The following B3GAT2 variants were observed in gnomAD, a reference collection of about 807,000 sequenced individuals.
The protein encoded by B3GAT2 is beta-1,3-glucuronyltransferase 2, also known as galactosylgalactosylxylosylprotein 3-beta-glucuronosyltransferase 2.
B3GAT2 carries 26 observed loss-of-function variants against 27.8 expected under a neutral mutation model. The observed-to-expected ratio is 0.93, with a 90% confidence interval of 0.68 to 1.30. The LOEUF (loss-of-function observed/expected upper bound fraction) is 1.30. Among genes scored for constraint, B3GAT2 ranks in the 50% most tolerant of loss-of-function variants. B3GAT2 has a pLI of 0.00. For synonymous variants in B3GAT2, 218 were observed against 195.1 expected, an observed-to-expected ratio of 1.12 and a Z score of -0.98; for missense variants, 458 against 459.0, an observed-to-expected ratio of 1.00 and a Z score of 0.02.
At chr6:70,948,134 G>A (rs1027015493) in intron 1 of B3GAT2, among the ~76,000 whole-genome samples, 60 of 148,380 alleles carry the variant, frequency 4.0e-4, no homozygotes, top group Non-Finnish European at 6.7e-4. Context: ...ATACTGAATG[G>A]GCAAAAACTG....
At chr6:70,932,391 C>T (rs1328913922) in intron 1 of B3GAT2, among the ~76,000 whole-genome samples, 1 of 152,120 alleles carries the variant, frequency 6.6e-6, no homozygotes, top group African/African-American at 2.4e-5. Flanking sequence ...GTGAAAGCAA[C>T]ACAACTTCCT....
At chr6:70,885,715 T>C (rs1772173934) in intron 2 of B3GAT2, among the ~76,000 whole-genome samples, 1 of 152,206 alleles carries the variant, frequency 6.6e-6, no homozygotes, top group Admixed American at 6.5e-5. Flanking sequence ...GGAACTTCTG[T>C]ATGTATTCGT....
At chr6:70,890,953 A>G (rs1326689233) in intron 2 of B3GAT2, among the ~76,000 whole-genome samples, 2 of 151,596 alleles carry the variant, frequency 1.3e-5, no homozygotes, top group East Asian at 1.9e-4. Context: ...TAAGTTCTCA[A>G]CTTGAACAAA....
At chr6:70,890,328 T>G (rs373954192) in intron 2 of B3GAT2, among the ~76,000 whole-genome samples, 10 of 152,212 alleles carry the variant, frequency 6.6e-5, no homozygotes, top group African/African-American at 2.4e-4. Flanking sequence ...AGAGTCTCCC[T>G]GTGGGAGCAC....
At chr6:70,917,352 C>T (rs1772790617) in intron 1 of B3GAT2, among the ~76,000 whole-genome samples, 1 of 152,000 alleles carries the variant, frequency 6.6e-6, no homozygotes, top group Non-Finnish European at 1.5e-5. Flanking sequence ...AAAACCAGCT[C>T]CTGGGTTCAT....
chr6:70,949,074 A>G (rs900780731), intron 1 of B3GAT2, among the ~76,000 whole-genome samples: 25 of 152,116 alleles, frequency 1.6e-4, no homozygotes, highest in African/African-American at 5.8e-4. Flanking sequence ...ATGGAAACTT[A>G]AACGTTAGAC....
chr6:70,898,617 TG>T (rs1230414410), intron 1 of B3GAT2, among the ~76,000 whole-genome samples: 1 of 152,180 alleles, frequency 6.6e-6, no homozygotes, highest in East Asian at 1.9e-4. Context: ...AAAATGGCCA[TG>T]ATTTTTCAGC....
intron 1 of B3GAT2, among the ~76,000 whole-genome samples, chr6:70,953,566 T>A (rs1765606854): frequency 6.6e-6 from 1 of 152,236 alleles, no homozygotes; most frequent in South Asian, 2.1e-4. Flanking sequence ...AAAATTACTG[T>A]CTGGGAGTGA....
chr6:70,941,284 T>C (rs1765388548), intron 1 of B3GAT2, among the ~76,000 whole-genome samples: 1 of 152,136 alleles, frequency 6.6e-6, no homozygotes, highest in African/African-American at 2.4e-5. Flanking sequence ...TACCCTCAAT[T>C]AGGGCAGTCA....
intron 1 of B3GAT2, among the ~76,000 whole-genome samples, chr6:70,944,649 G>C (rs990028571): frequency 2.0e-5 from 3 of 152,178 alleles, no homozygotes; most frequent in African/African-American, 7.2e-5. Context: ...ACAGGGCACA[G>C]ACAAACAAAA....
At chr6:70,936,694 T>C (rs1765286220) in intron 1 of B3GAT2, among the ~76,000 whole-genome samples, 1 of 152,062 alleles carries the variant, frequency 6.6e-6, no homozygotes, top group African/African-American at 2.4e-5. Context: ...AAAGATGTTC[T>C]TTGAAACCAA....
intron 1 of B3GAT2, among the ~76,000 whole-genome samples, chr6:70,936,064 C>A: frequency 6.6e-6 from 1 of 151,256 alleles, no homozygotes. Context: ...GAAGATCTAC[C>A]AAGCAAATGG....
intron 2 of B3GAT2, among the ~76,000 whole-genome samples, chr6:70,873,739 T>C (rs1199949058): frequency 6.6e-6 from 1 of 152,098 alleles, no homozygotes; most frequent in Non-Finnish European, 1.5e-5. Context: ...TTTTTCGTCA[T>C]TCTTTTTTCT....
chr6:70,859,412 A>C lies in B3GAT2; in HGVS notation c.*2251T>G. 3.2e-6 allele frequency: 5 copies of C among 1,545,476 alleles called. No individual in the cohort carries two copies. The highest frequency in any genetic ancestry group is 4.4e-6 in the Non-Finnish European group (5 of 1,143,330). Reference sequence around the variant, plus strand: ...TGACAAGGTGGTTAAAATGTCCTTTAGTAGGTATGAAGACGTGATCTGCTT... The same window carrying C: ...TGACAAGGTGGTTAAAATGTCCTTTCGTAGGTATGAAGACGTGATCTGCTT... On this transcript the variant is annotated 3_prime_UTR_variant, in exon 4 of 4. Coordinates refer to ENST00000230053, the MANE Select transcript of B3GAT2 (RefSeq NM_080742.3).
At chr6:70,910,581 G>A (rs1332043032) in intron 1 of B3GAT2, among the ~76,000 whole-genome samples, 1 of 152,116 alleles carries the variant, frequency 6.6e-6, no homozygotes, top group Admixed American at 6.5e-5. Flanking sequence ...ACCAGTGATG[G>A]AAATTTAAGT....
intron 2 of B3GAT2, among the ~76,000 whole-genome samples, chr6:70,888,475 G>A (rs1772227616): frequency 6.6e-6 from 1 of 152,008 alleles, no homozygotes; most frequent in African/African-American, 2.4e-5. Flanking sequence ...AATCTGAAAA[G>A]GCTGTTAAAA....
chr6:70,936,111 T>G (rs1184357847), intron 1 of B3GAT2, among the ~76,000 whole-genome samples: 1 of 151,570 alleles, frequency 6.6e-6, no homozygotes, highest in East Asian at 1.9e-4. Flanking sequence ...TCCTAGTCTC[T>G]GATAAAACAG....
chr6:70,864,102 A>G (rs1197666243), intron 2 of B3GAT2, among the ~76,000 whole-genome samples: 1 of 133,208 alleles, frequency 7.5e-6, no homozygotes, highest in Non-Finnish European at 1.5e-5. Flanking sequence ...ATGAGAGCCT[A>G]CCCTTCTCAG....
chr6:70,877,453 T>C (rs1026722799), intron 2 of B3GAT2, among the ~76,000 whole-genome samples: 14 of 152,230 alleles, frequency 9.2e-5, no homozygotes, highest in Admixed American at 3.9e-4. Context: ...GGACATTTCC[T>C]GTAGGCTCTC....
Sources: gnomAD v4.1 joint callset for allele counts (sites outside exome capture counted in the v4.1 genomes callset) on GRCh38, gnomAD v4.1.1 for gene constraint, MANE v1.5 for transcripts, NCBI Gene and HGNC (gene_info 2026-07-23, HGNC 2026-07-21) for gene names.